SPTLC3: variants seen among roughly 807,000 people sequenced by gnomAD.
The protein encoded by SPTLC3 is serine palmitoyltransferase long chain base subunit 3, also known as serine palmitoyltransferase 3.
Under a neutral mutation model 59.3 loss-of-function variants are expected in SPTLC3, and 36 were observed. The observed-to-expected ratio is 0.61, with a 90% CI of 0.47 to 0.80. The LOEUF (loss-of-function observed/expected upper bound fraction) is 0.80. SPTLC3 is among the 30% of genes least tolerant of loss of function. SPTLC3 has a pLI of 0.00. For synonymous variants in SPTLC3, 257 were observed against 240.8 expected, an observed-to-expected ratio of 1.07 and a Z score of -0.62; for missense variants, 625 against 685.1, an observed-to-expected ratio of 0.91 and a Z score of 0.98.
rs1568588325 is a variant in SPTLC3 at position 13,072,287 on chromosome 20, A to T, written c.335A>T (p.Asn112Ile). The T allele has an allele frequency of 6.2e-7, 1 of 1,613,804 alleles. No individual in the cohort carries two copies. The highest frequency in any genetic ancestry group is 8.5e-7 in the Non-Finnish European group (1 of 1,179,846). ...GTGCCACTGTATCAAGACTTTGAAA[A>T]TTTTTATACAAGAAACCTTTACATG... ...DFVPLYQDFE[N>I]FYTRNLYMRI... is the part of the protein sequence containing the mutation. The change falls in exon 3 of 12, where the codon AAT becomes ATT. Residue 112 changes from asparagine (N) to isoleucine (I), a missense_variant. Coordinates refer to ENST00000399002, the MANE Select transcript of SPTLC3 (RefSeq NM_018327.4).
chr20:13,145,346 A>C (rs1417188407), intron 9 of SPTLC3, among the ~76,000 whole-genome samples: 1 of 152,202 alleles, frequency 6.6e-6, no homozygotes, highest in Admixed American at 6.5e-5. Flanking sequence ...CACCAACAAC[A>C]GCAAAACTGA....
At chr20:13,078,819 G>C (rs1017153514) in intron 4 of SPTLC3, among the ~76,000 whole-genome samples, 5 of 152,114 alleles carry the variant, frequency 3.3e-5, no homozygotes, top group African/African-American at 1.2e-4. Context: ...AGAGGGAATT[G>C]AGCAAGTAGG....
intron 4 of SPTLC3, among the ~76,000 whole-genome samples, chr20:13,085,088 T>C (rs1203519593): frequency 6.6e-6 from 1 of 152,060 alleles, no homozygotes; most frequent in Non-Finnish European, 1.5e-5. Context: ...CCTGAGTGAG[T>C]GGGCAGTTGA....
rs1253730737 is a variant in SPTLC3, at chr20:13,164,440, C to T, written c.1546-314C>T. 1.4e-5 allele frequency: 7 copies of T among 495,120 alleles called. No homozygotes were observed. The East Asian group carries it at 4.2e-4, about 30-fold the overall frequency. 30.7% of individuals were successfully genotyped at this position (495,120 alleles called of 1,614,324 possible). The stretch of plus-strand genomic sequence containing the variant: ...CTTCCACAAGACTACATATAAGTCA[C>T]TACATTTTAAAATAAAACCTTTTAA... On this transcript the variant is annotated intron_variant, in intron 11 of 11. Transcript: ENST00000399002.
chr20:13,110,598 G>A (rs995618357), intron 7 of SPTLC3, among the ~76,000 whole-genome samples: 1 of 152,144 alleles, frequency 6.6e-6, no homozygotes. Flanking sequence ...GTTGATGGGT[G>A]GCCCGGATGC....
At chr20:13,134,222 C>T (rs760188605) in intron 9 of SPTLC3, among the ~76,000 whole-genome samples, 5 of 152,146 alleles carry the variant, frequency 3.3e-5, no homozygotes, top group Admixed American at 6.5e-5. Context: ...TCAGTTATGT[C>T]GTGATGCAGA....
intron 6 of SPTLC3, among the ~76,000 whole-genome samples, chr20:13,104,112 G>A (rs1026076812): frequency 6.6e-6 from 1 of 152,148 alleles, no homozygotes; most frequent in Non-Finnish European, 1.5e-5. Context: ...CAAGTATTTA[G>A]TAATTCAGTA....
chr20:13,144,535 T>A (rs1568625748), intron 9 of SPTLC3, among the ~76,000 whole-genome samples: 1 of 152,220 alleles, frequency 6.6e-6, no homozygotes, highest in Non-Finnish European at 1.5e-5. Flanking sequence ...CGCACAAATC[T>A]ATTGACTGAG....
chr20:13,152,000 T>G (rs972412009), intron 9 of SPTLC3, among the ~76,000 whole-genome samples: 3 of 152,082 alleles, frequency 2.0e-5, no homozygotes, highest in Admixed American at 6.6e-5. Context: ...AAAAAAGATA[T>G]AATCATAATC....
At chr20:13,086,593 CTT>C (rs1213224526) in intron 4 of SPTLC3, among the ~76,000 whole-genome samples, 3 of 152,130 alleles carry the variant, frequency 2.0e-5, no homozygotes, top group Non-Finnish European at 2.9e-5. Context: ...CAAAACCACT[CTT>C]AACTTGTAAC....
At chr20:13,056,154 A>G (rs762617182) in intron 2 of SPTLC3, among the ~76,000 whole-genome samples, 3 of 152,114 alleles carry the variant, frequency 2.0e-5, no homozygotes, top group Non-Finnish European at 4.4e-5. Context: ...TGCTACAAGA[A>G]CTGCTCGAAC....
intron 9 of SPTLC3, among the ~76,000 whole-genome samples, chr20:13,140,808 TTATAA>T (rs1227606242): frequency 6.6e-6 from 1 of 152,244 alleles, no homozygotes; most frequent in Non-Finnish European, 1.5e-5. Flanking sequence ...AGAGTGACAC[TTATAA>T]TGTATGTGCA....
intron 6 of SPTLC3, 31 bp from the exon 7 acceptor site, chr20:13,110,081 A>G (rs6109712): frequency 9.7e-6 from 15 of 1,550,818 alleles, no homozygotes; most frequent in Non-Finnish European, 1.2e-5. Flanking sequence ...CCCTTTCATG[A>G]CTCAATTTTT....
chr20:13,083,027 C>A (rs1988891872), intron 4 of SPTLC3, among the ~76,000 whole-genome samples: 1 of 152,178 alleles, frequency 6.6e-6, no homozygotes, highest in African/African-American at 2.4e-5. Flanking sequence ...ATTCTGTACT[C>A]TTCCTGATAA....
chr20:13,073,858 T>C, intron 3 of SPTLC3: 1 of 541,046 alleles, frequency 1.8e-6, no homozygotes, highest in Non-Finnish European at 3.6e-6. Context: ...CTCTTTTTCC[T>C]TTTCTTTAAT....
At chr20:13,010,251 T>G (rs886960616) in intron 1 of SPTLC3, among the ~76,000 whole-genome samples, 1 of 151,910 alleles carries the variant, frequency 6.6e-6, no homozygotes, top group Admixed American at 6.6e-5. Context: ...CAAGCCCAAG[T>G]AGTCAAACAG....
chr20:13,059,454 G>A (rs933667122), intron 2 of SPTLC3, among the ~76,000 whole-genome samples: 2 of 152,042 alleles, frequency 1.3e-5, no homozygotes, highest in Non-Finnish European at 2.9e-5. Flanking sequence ...TTTGCAATTC[G>A]GCTACCACCT....
rs375721887 is a variant in SPTLC3 at position 13,123,061 on chromosome 20, T to C, written c.1153-3530T>C. 8.5e-5 allele frequency among the ~76,000 whole-genome samples: 13 copies of C among 152,330 alleles called. No homozygotes were observed. The East Asian group carries it at 1.7e-3, about 20-fold the overall frequency. On this transcript the variant is annotated intron_variant, in intron 8 of 11. Coordinates refer to ENST00000399002, the MANE Select transcript of SPTLC3 (RefSeq NM_018327.4). ...ATTAACAATACTCGGCCAGGCGTGG[T>C]GGCTCATGCCTGTAATCACAGCACT...
chr20:13,110,895 G>T (rs1269242370), intron 7 of SPTLC3, among the ~76,000 whole-genome samples: 1 of 152,052 alleles, frequency 6.6e-6, no homozygotes, highest in Non-Finnish European at 1.5e-5. Flanking sequence ...TAAAAGGAAG[G>T]AAGTGAAGGC....
Sources: allele counts gnomAD v4.1 joint callset (sites outside exome capture counted in the v4.1 genomes callset), GRCh38; gene constraint gnomAD v4.1.1; transcripts MANE v1.5; gene names NCBI Gene and HGNC (gene_info 2026-07-23, HGNC 2026-07-21).